The following GALK2 variants were observed in gnomAD, a reference collection of about 807,000 sequenced individuals.
GALK2 encodes the protein N-acetylgalactosamine kinase.
In GALK2, 36 loss-of-function variants were observed where a neutral mutation model predicts 52.4. The observed-to-expected ratio is 0.69, with a 90% CI of 0.53 to 0.91. GALK2 has a LOEUF of 0.91. Among genes scored for constraint, GALK2 ranks in the 40% least tolerant of loss-of-function variants. The probability of loss-of-function intolerance (pLI) is 0.00; values close to 1 mark genes in which losing one functional copy is unlikely to be tolerated. For missense variants in GALK2, 579 were observed against 559.1 expected (o/e 1.04, Z -0.36); for synonymous variants, 176 against 199.1 (o/e 0.88, Z 0.98).
chr15:49,332,087 C>CCACACACA (rs377139081), downstream of GALK2, among the ~76,000 whole-genome samples: 1,210 of 127,982 alleles, frequency 9.5e-3, 11 homozygotes, highest in Middle Eastern at 0.016. Context: ...TGCACACGTG[C>CCACACACA]CACACACACA....
intron 8 of GALK2, among the ~76,000 whole-genome samples, chr15:49,308,802 A>G (rs1032255241): frequency 3.3e-5 from 5 of 152,210 alleles, no homozygotes; most frequent in African/African-American, 1.2e-4. Context: ...AAATTTGATC[A>G]TGTTGGAACT....
rs1028608998 is a variant in GALK2, at chr15:49,340,433, G to A, written c.426+20628G>A. Among the ~76,000 whole-genome samples, 27 of 82,424 alleles carry A rather than the reference G, an allele frequency of 3.3e-4. No individual in the cohort carries two copies. The East Asian group carries it at 4.7e-3, about 14-fold the overall frequency. The allele number at this position is 82,424 out of a possible 152,430, so 54.1% of individuals were successfully genotyped here. ...CCCCCTCCCCCCCCCGCTTTGCCTC[G>A]CCCTCCTTGGGCTGCACCCACTGTC... On this transcript the variant is annotated intron_variant, in intron 3 of 3. Coordinates refer to the GALK2 transcript ENST00000558399.
chr15:49,291,288 C>G (rs552911063), intron 7 of GALK2, among the ~76,000 whole-genome samples: 1 of 151,896 alleles, frequency 6.6e-6, no homozygotes, highest in Non-Finnish European at 1.5e-5. Flanking sequence ...TTCAAATATA[C>G]GAGCCAGGGT....
At chr15:49,255,375 GT>G (rs148114237) in intron 5 of GALK2, among the ~76,000 whole-genome samples, 9,745 of 139,610 alleles carry the variant, frequency 0.07, 1,449 homozygotes, top group African/African-American at 0.16. Context: ...ATTGCATTTA[GT>G]TTTTTTTTCA....
intron 3 of GALK2, chr15:49,365,682 C>T: frequency 1.1e-6 from 1 of 938,516 alleles, no homozygotes; most frequent in South Asian, 1.3e-5. Context: ...TGAAGCTGGC[C>T]AACTTCAGTG....
intron 5 of GALK2, among the ~76,000 whole-genome samples, chr15:49,269,883 C>G (rs2030148698): frequency 6.6e-6 from 1 of 152,230 alleles, no homozygotes. Context: ...CCCCAATTGT[C>G]TCCTCCTTTT....
chr15:49,294,615 C>T (rs2034285746), intron 8 of GALK2, among the ~76,000 whole-genome samples: 1 of 152,144 alleles, frequency 6.6e-6, no homozygotes, highest in Non-Finnish European at 1.5e-5. Context: ...GTATTGACTT[C>T]TGTGGACTGG....
intron 9 of GALK2, 124 bp downstream of exon 9, chr15:49,319,929 T>C (rs1596102213): frequency 1.3e-6 from 1 of 782,446 alleles, no homozygotes; most frequent in Non-Finnish European, 2.0e-6. Flanking sequence ...ATATGAGGAG[T>C]CTCTGATGAT....
intron 8 of GALK2, among the ~76,000 whole-genome samples, chr15:49,297,382 G>T (rs2034576692): frequency 6.6e-6 from 1 of 152,128 alleles, no homozygotes; most frequent in African/African-American, 2.4e-5. Flanking sequence ...TCTGTAGGTT[G>T]TCTGTTTACT....
rs561016470 is a variant in GALK2, at chr15:49,205,680, T to C, written c.142+4430T>C. ...TGAAGATTTTCTCCAACTCTGTAGGTTGTCTTTTTACTCTGCTGACTGTTC... is the reference window on the plus strand; with the variant it reads ...TGAAGATTTTCTCCAACTCTGTAGGCTGTCTTTTTACTCTGCTGACTGTTC... On this transcript the variant is annotated intron_variant, in intron 2 of 9. Coordinates refer to ENST00000560031, the MANE Select transcript of GALK2 (RefSeq NM_002044.4). 2.0e-5 allele frequency among the ~76,000 whole-genome samples: 3 copies of C among 152,332 alleles called. No homozygotes were observed. The East Asian group carries it at 5.8e-4, about 29-fold the overall frequency.
chr15:49,240,640 G>A (rs2091049008), intron 5 of GALK2, among the ~76,000 whole-genome samples: 1 of 152,158 alleles, frequency 6.6e-6, no homozygotes. Context: ...CATCAGATAA[G>A]CATGTATTGG....
At chr15:49,291,877 A>G (rs2033970554) in intron 7 of GALK2, among the ~76,000 whole-genome samples, 2 of 152,200 alleles carry the variant, frequency 1.3e-5, no homozygotes, top group South Asian at 4.1e-4. Context: ...CATATAGTAA[A>G]CAGGAAGTAC....
intron 1 of GALK2, among the ~76,000 whole-genome samples, chr15:49,181,299 G>A (rs1027291333): frequency 9.9e-5 from 15 of 151,570 alleles, no homozygotes; most frequent in African/African-American, 3.1e-4. Context: ...TGTAGAGATG[G>A]GGTTTTGCCT....
chr15:49,180,374 A>G (rs1387439044), intron 1 of GALK2, among the ~76,000 whole-genome samples: 1 of 152,166 alleles, frequency 6.6e-6, no homozygotes. Flanking sequence ...CCCACATTTA[A>G]TTGTACCAAT....
At chr15:49,215,940 G>C (rs116414891) in intron 2 of GALK2, among the ~76,000 whole-genome samples, 1 of 152,306 alleles carries the variant, frequency 6.6e-6, no homozygotes, top group South Asian at 2.1e-4. Flanking sequence ...TGGTCCGTAT[G>C]GGCATATCGG....
At chr15:49,174,438 C>G (rs968231461) in intron 1 of GALK2, among the ~76,000 whole-genome samples, 1 of 152,108 alleles carries the variant, frequency 6.6e-6, no homozygotes, top group Non-Finnish European at 1.5e-5. Flanking sequence ...CACCACTTGC[C>G]GGGTTCAAGC....
chr15:49,350,854 G>A (rs2042138709), intron 3 of GALK2, among the ~76,000 whole-genome samples: 1 of 152,176 alleles, frequency 6.6e-6, no homozygotes, highest in Admixed American at 6.5e-5. Context: ...GGATAAATGG[G>A]AGTGAATAAG....
chr15:49,203,581 T>C (rs761709644), intron 2 of GALK2, among the ~76,000 whole-genome samples: 1 of 152,214 alleles, frequency 6.6e-6, no homozygotes, highest in African/African-American at 2.4e-5. Context: ...TTTATAGTCT[T>C]ATTCATAAAA....
intron 8 of GALK2, among the ~76,000 whole-genome samples, chr15:49,317,484 T>C (rs1181348194): frequency 6.6e-6 from 1 of 152,016 alleles, no homozygotes; most frequent in Non-Finnish European, 1.5e-5. Flanking sequence ...GTTCAACCAT[T>C]GTGGAAGACA....
Sources: gnomAD v4.1 joint callset for allele counts (sites outside exome capture counted in the v4.1 genomes callset) on GRCh38, gnomAD v4.1.1 for gene constraint, MANE v1.5 for transcripts, NCBI Gene and HGNC (gene_info 2026-07-23, HGNC 2026-07-21) for gene names.